The following KBTBD4 variants were observed in gnomAD, a reference collection of about 807,000 sequenced individuals.
The protein encoded by KBTBD4 is kelch repeat and BTB domain containing 4.
KBTBD4 carries 30 observed loss-of-function variants against 43.9 expected under a neutral mutation model. The observed-to-expected ratio is 0.68, with a 90% CI of 0.51 to 0.93. KBTBD4 has a LOEUF of 0.93. Ranked by LOEUF, KBTBD4 falls within the 40% of genes least tolerant of loss-of-function variation. The pLI is 0.00. For synonymous variants in KBTBD4, 258 were observed against 256.9 expected (o/e 1.00, Z -0.04); for missense variants, 575 against 668.8 (o/e 0.86, Z 1.55).
chr11:47,576,261 G>C (rs1358992244), intron 2 of KBTBD4, among the ~76,000 whole-genome samples: 1 of 149,480 alleles, frequency 6.7e-6, no homozygotes. Context: ...CCACCTCCCG[G>C]GTTCACGCCA....
intron 3 of KBTBD4, among the ~76,000 whole-genome samples, chr11:47,574,672 T>C (rs2097255842): frequency 6.6e-6 from 1 of 151,614 alleles, no homozygotes; most frequent in Admixed American, 6.6e-5. Context: ...TTGGCCAACA[T>C]GGTGAAACCC....
chr11:47,578,095 C>T (rs1377780322), intron 1 of KBTBD4, 67 bp from the exon 2 acceptor site: 1 of 1,571,122 alleles, frequency 6.4e-7, no homozygotes, highest in Admixed American at 1.8e-5. Context: ...TCCAACTGTC[C>T]AACTCAGGGA....
At chr11:47,578,418 G>A (rs2097264449) in intron 1 of KBTBD4, 1 of 568,436 alleles carries the variant, frequency 1.8e-6, no homozygotes, top group Admixed American at 3.6e-5. Flanking sequence ...TGAAGCTCAG[G>A]GGCAGTAGAA....
intron 3 of KBTBD4, among the ~76,000 whole-genome samples, 182 bp downstream of exon 3, chr11:47,575,411 G>A (rs1201969082): frequency 4.0e-5 from 6 of 151,442 alleles, no homozygotes; most frequent in Non-Finnish European, 8.8e-5. Context: ...GGAGGCTGAG[G>A]CAGGAGAATG....
Position 47,573,788 on chromosome 11 carries a change from T to A in KBTBD4, c.747A>T (p.Glu249Asp), listed in dbSNP as rs764529147. ...GGTAAATGTGCACATTCTCCCCAAT[T>A]TCCTATTGGCAAAATTAAAATTATA... is the stretch of plus-strand genomic sequence containing the variant. ...FAESLRTSLK[E>D]IGENVHIYLI... The change falls in exon 4 of 4, where the codon GAA becomes GAT. Residue 249 changes from glutamate (E) to aspartate (D), a missense_variant and splice_region_variant. Coordinates refer to ENST00000430070, the MANE Select transcript of KBTBD4 (RefSeq NM_018095.6). This position sits in a 1 kb window ranked among gnomAD's most constrained non-coding sequence, Gnocchi z 4.1. 1 of 1,567,998 alleles carries A rather than the reference T, an allele frequency of 6.4e-7. No homozygotes were observed. Among genetic ancestry groups the A allele is most frequent in the South Asian group, 1.1e-5 (1 of 88,444 alleles).
chr11:47,574,361 G>A (rs1270056638), intron 3 of KBTBD4, among the ~76,000 whole-genome samples: 1 of 151,974 alleles, frequency 6.6e-6, no homozygotes, highest in African/African-American at 2.4e-5. Flanking sequence ...GCCGGGCGTG[G>A]TGGTATGCAC....
chr11:47,577,420 T>C lies in KBTBD4; in HGVS notation c.628A>G (p.Ile210Val). ...CCCTCCCTAAACTTACCCGAGATGATATCTGTGAGTAAGCGGTGGGGCAAG... is the reference window on the plus strand; with the variant it reads ...CCCTCCCTAAACTTACCCGAGATGACATCTGTGAGTAAGCGGTGGGGCAAG... ...LHLPHRLLTD[I>V]ISDGVPCSQN... Residue 210 changes from isoleucine (I) to valine (V), a missense_variant, in exon 2 of 4, where the codon ATC (isoleucine) becomes GTC (valine). Physicochemically the swap from Ile to Val is conservative, Grantham distance 29. Transcript: ENST00000430070. 1.2e-6 allele frequency: 2 copies of C among 1,602,778 alleles called. No individual in the cohort carries two copies. The highest frequency in any genetic ancestry group is 1.7e-6 in the Non-Finnish European group (2 of 1,171,008).
At chr11:47,574,721 G>A (rs933801977) in intron 3 of KBTBD4, among the ~76,000 whole-genome samples, 3 of 151,818 alleles carry the variant, frequency 2.0e-5, no homozygotes, top group Non-Finnish European at 2.9e-5. Context: ...GGGCGTGGTC[G>A]TGGGCGCCTG....
At position 47,577,512 on chromosome 11, in the gene KBTBD4, T is replaced by A; in HGVS notation, c.536A>T (p.Tyr179Phe). 6.2e-7 allele frequency: 1 copy of A among 1,614,162 alleles called. No homozygotes were observed. The highest frequency in any genetic ancestry group is 8.5e-7 in the Non-Finnish European group (1 of 1,180,016). The change falls in exon 2 of 4, where the codon TAT (tyrosine) becomes TTT (phenylalanine). Residue 179 changes from tyrosine (Y) to phenylalanine (F), a missense_variant. Physicochemically the swap from Tyr to Phe is conservative, Grantham distance 22. Coordinates refer to ENST00000430070, the MANE Select transcript of KBTBD4 (RefSeq NM_018095.6). ...LADRHSDPEL[Y>F]TAAKHCAKTH... ...CTTGGCACAGTGCTTGGCAGCCGTA[T>A]AGAGCTCAGGATCACTGTGCCGATC...
intron 1 of KBTBD4, 77 bp downstream of exon 1, chr11:47,578,845 GTCCTCGCCTTC>G (rs1039806984): frequency 6.5e-7 from 1 of 1,547,230 alleles, no homozygotes; most frequent in African/African-American, 1.4e-5. Context: ...GTTCTTCAGC[GTCCTCGCCTTC>G]TCTCTAGGCT....
chr11:47,575,637 CT>C lies in KBTBD4; in HGVS notation c.699del (p.Glu234ArgfsTer14). Reference sequence around the variant, plus strand: ...GACTCTGCAAAAGCCTCTCTTTCCTCTTTATTAAAGTTGATCCAGGCTTCTA... The same window carrying C: ...GACTCTGCAAAAGCCTCTCTTTCCTCTTATTAAAGTTGATCCAGGCTTCTA... ...EAIEAWINFN[K>X]EEREAFAESL... On this transcript the variant is annotated frameshift_variant, in exon 3 of 4. Coordinates refer to ENST00000430070, the MANE Select transcript of KBTBD4 (RefSeq NM_018095.6). LOFTEE classifies it high-confidence loss of function. 1 of 1,613,682 alleles carries C rather than the reference CT, an allele frequency of 6.2e-7. No individual in the cohort carries two copies. Among genetic ancestry groups the C allele is most frequent in the Non-Finnish European group, 8.5e-7 (1 of 1,179,830 alleles).
At chr11:47,578,109 A>C in intron 1 of KBTBD4, 81 bp from the exon 2 acceptor site, 1 of 1,524,794 alleles carries the variant, frequency 6.6e-7, no homozygotes, top group South Asian at 1.2e-5. Flanking sequence ...TCAGGGAGGG[A>C]AAAGGAAGAA....
rs1415150450 is a variant in KBTBD4 at position 47,578,940 on chromosome 11, C to T, written c.12G>A (p.Gly4=). ...CCTGTCTCGCTTTCTCACCTGCGTT[C>T]CCTCCTTTCATCCCGGAGCCCGGAA... The part of the protein sequence containing the change: MKG[G]NADSWQREKL... Residue 4 remains glycine, a synonymous_variant, in exon 1 of 4, where the codon GGG becomes GGA. Coordinates refer to ENST00000430070, the MANE Select transcript of KBTBD4 (RefSeq NM_018095.6). 1.9e-6 allele frequency: 3 copies of T among 1,551,842 alleles called. No individual in the cohort carries two copies. Among genetic ancestry groups the T allele is most frequent in the Middle Eastern group, 1.7e-4 (1 of 5,996 alleles).
chr11:47,578,070 G>C, intron 1 of KBTBD4, 42 bp from the exon 2 acceptor site: 1 of 1,606,328 alleles, frequency 6.2e-7, no homozygotes, highest in East Asian at 2.2e-5. Context: ...GGAATTCACA[G>C]CCATAGTCTG....
chr11:47,577,396 CCTCCCTAAACTTA>C lies in KBTBD4; in HGVS notation c.637+2_637+14del. ...CCAAGTAACTGGGTATGGTGTGTCC[CCTCCCTAAACTTA>C]CCCGAGATGATATCTGTGAGTAAGC... On this transcript the variant is annotated splice_donor_variant and splice_donor_5th_base_variant and intron_variant, in intron 2 of 3. Coordinates refer to ENST00000430070, the MANE Select transcript of KBTBD4 (RefSeq NM_018095.6). LOFTEE classifies it high-confidence loss of function. 2.5e-6 allele frequency: 4 copies of C among 1,585,574 alleles called. No homozygotes were observed. The highest frequency in any genetic ancestry group is 2.6e-6 in the Non-Finnish European group (3 of 1,160,110).
Position 47,573,158 on chromosome 11 carries a change from G to A in KBTBD4, c.1377C>T (p.Cys459=). Residue 459 remains cysteine, a synonymous_variant, in exon 4 of 4, where the codon TGC becomes TGT. Coordinates refer to ENST00000430070, the MANE Select transcript of KBTBD4 (RefSeq NM_018095.6). The surrounding 1 kb of genome is among the most constrained non-coding windows in gnomAD (Gnocchi z 4.1). The stretch of plus-strand genomic sequence containing the variant: ...TGAAGCTGTCTAGCAAGGGATTGTA[G>A]CACACCAGGGAGTCCCCTTCAGCCA... The part of the protein sequence containing the change: ...FIVAEGDSLV[C]YNPLLDSFTR... 6.2e-7 allele frequency: 1 copy of A among 1,614,202 alleles called. No homozygotes were observed. The highest frequency in any genetic ancestry group is 8.5e-7 in the Non-Finnish European group (1 of 1,180,030).
At position 47,578,120 on chromosome 11, in the gene KBTBD4, G is replaced by C. The variant is rs1662703041; in HGVS notation, c.20-92C>G. On this transcript the variant is annotated intron_variant, in intron 1 of 3. Coordinates refer to ENST00000430070, the MANE Select transcript of KBTBD4 (RefSeq NM_018095.6). ...CAACTCAGGGAGGGAAAAGGAAGAA[G>C]TGAGAGCAAAGTGGGTCCAGATTGG... 5 of 1,461,006 alleles carry C rather than the reference G, an allele frequency of 3.4e-6. No individual in the cohort carries two copies. In the African/African-American group the frequency reaches 7.0e-5, roughly 20 times the overall value. The allele number at this position is 1,461,006 out of a possible 1,614,324, so 90.5% of individuals were successfully genotyped here.
At position 47,573,359 on chromosome 11, in the gene KBTBD4, G is replaced by A; in HGVS notation, c.1176C>T (p.Leu392=). Residue 392 remains leucine (L), a synonymous_variant, in exon 4 of 4, where the codon CTC becomes CTT. Coordinates refer to ENST00000430070, the MANE Select transcript of KBTBD4 (RefSeq NM_018095.6). This position sits in a 1 kb window ranked among gnomAD's most constrained non-coding sequence, Gnocchi z 4.1. The part of the protein sequence containing the change: ...VAVSGAAGAN[L]NGIIYLLGGE... ...CCCCTAGTAAGTAGATGATCCCGTT[G>A]AGGTTGGCACCAGCAGCCCCTGACA... is the stretch of plus-strand genomic sequence containing the variant. 6.2e-7 allele frequency: 1 copy of A among 1,614,094 alleles called. No individual in the cohort carries two copies. Among genetic ancestry groups the A allele is most frequent in the East Asian group, 2.2e-5 (1 of 44,904 alleles).
In KBTBD4 at chr11:47,577,213, C is replaced by T. The variant is rs1421868385; in HGVS notation, c.637+198G>A. Among the ~76,000 whole-genome samples, 6 of 152,326 alleles carry T rather than the reference C, an allele frequency of 3.9e-5. No individual in the cohort carries two copies. In the East Asian group the frequency reaches 9.6e-4, roughly 24 times the overall value. On this transcript the variant is annotated intron_variant, in intron 2 of 3. Transcript: ENST00000430070. ...GCTTTAATTTTCCTGACTTCTTCCT[C>T]TAACGCACTGTGTCTCTGACAGCAA...
Sources: gnomAD v4.1 joint callset for allele counts (sites outside exome capture counted in the v4.1 genomes callset) on GRCh38, gnomAD v4.1.1 for gene constraint, Gnocchi (gnomAD v3.1) non-coding constraint, MANE v1.5 for transcripts, NCBI Gene and HGNC (gene_info 2026-07-23, HGNC 2026-07-21) for gene names.